The following ABLIM1 variants were observed in gnomAD, a reference collection of about 807,000 sequenced individuals.
ABLIM1 encodes actin-binding LIM protein 1.
A neutral mutation model predicts 107.0 loss-of-function variants in ABLIM1; 40 were observed. That is an observed-to-expected ratio of 0.37 (90% CI 0.29 to 0.49). The LOEUF (loss-of-function observed/expected upper bound fraction) is 0.49. Among genes scored for constraint, ABLIM1 ranks in the 20% least tolerant of loss-of-function variants. The probability of loss-of-function intolerance (pLI) is 0.97; values close to 1 mark genes in which losing one functional copy is unlikely to be tolerated. For missense variants in ABLIM1, 857 were observed against 1,008.5 expected, an observed-to-expected ratio of 0.85 and a Z score of 2.04; for synonymous variants, 357 against 357.3, an observed-to-expected ratio of 1.00 and a Z score of 0.01.
Position 114,644,312 on chromosome 10 carries a change from T to A in ABLIM1, c.244+13645A>T, listed in dbSNP as rs1371499287. Among the ~76,000 whole-genome samples the A allele has an allele frequency of 1.8e-3, 180 of 99,296 alleles. 2 individuals are homozygous for A. The highest frequency in any genetic ancestry group is 4.9e-3 in the African/African-American group (94 of 19,060). 65.1% of individuals were successfully genotyped at this position (99,296 alleles called of 152,430 possible). A position where few individuals can be genotyped will look rare whatever the true frequency, so the allele number is the denominator to read the frequency against. On this transcript the variant is annotated intron_variant, in intron 1 of 22. Coordinates refer to ENST00000533213, the MANE Select transcript of ABLIM1 (RefSeq NM_002313.7). ...AAAAAAAAAAAAAAAAAAAAATATA[T>A]ATATATATATATATATATGTGTATA...
Position 114,630,846 on chromosome 10 carries a change from G to A in ABLIM1, c.244+27111C>T, listed in dbSNP as rs538561510. ...TACTAGACAGCAAAATTAAAGAGTG[G>A]TTATTTACATTATAAAATCATTTGG... On this transcript the variant is annotated intron_variant, in intron 1 of 22. Transcript: ENST00000533213. 1.2e-4 allele frequency among the ~76,000 whole-genome samples: 19 copies of A among 152,148 alleles called. 2 individuals are homozygous for A. In the South Asian group the frequency reaches 3.9e-3, roughly 32 times the overall value.
chr10:114,569,495 T>A (rs2071332596), intron 4 of ABLIM1, among the ~76,000 whole-genome samples: 1 of 152,024 alleles, frequency 6.6e-6, no homozygotes, highest in African/African-American at 2.4e-5. Context: ...AATTTTTGTA[T>A]TTTTAGTAGC....
intron 1 of ABLIM1, among the ~76,000 whole-genome samples, chr10:114,671,128 C>A (rs2080236928): frequency 6.6e-6 from 1 of 152,214 alleles, no homozygotes; most frequent in Non-Finnish European, 1.5e-5. Flanking sequence ...ACTATTCTGA[C>A]TTAATCTCAT....
chr10:114,754,079 T>C (rs1054470175), intron 1 of ABLIM1, among the ~76,000 whole-genome samples: 1 of 152,196 alleles, frequency 6.6e-6, no homozygotes, highest in African/African-American at 2.4e-5. Context: ...CTCAAACTCC[T>C]GACCTCAAGT....
intron 11 of ABLIM1, among the ~76,000 whole-genome samples, chr10:114,467,316 T>A (rs567223792): frequency 1.3e-5 from 2 of 151,882 alleles, no homozygotes; most frequent in Non-Finnish European, 2.9e-5. Context: ...GTTGAAAGAG[T>A]ACAAAGAATA....
In ABLIM1 at chr10:114,675,570, G is replaced by T. The variant is rs147941014; in HGVS notation, c.64+8720C>A. Among the ~76,000 whole-genome samples the T allele has an allele frequency of 7.1e-3, 1,075 of 152,256 alleles. 12 individuals carry two copies. Among genetic ancestry groups the T allele is most frequent in the African/African-American group, 0.024 (991 of 41,538 alleles). On this transcript the variant is annotated intron_variant, in intron 1 of 23. Coordinates refer to the ABLIM1 transcript ENST00000369256. ...TCCTTTATAAATTACCCAGTCTCAG[G>T]TATGTCCTTATAGCAGTGTGAGAAC...
the ABLIM1 span, among the ~76,000 whole-genome samples, chr10:114,783,351 T>A: frequency 1.3e-5 from 2 of 152,088 alleles, no homozygotes; most frequent in African/African-American, 2.4e-5. Context: ...AAAGGTTTTA[T>A]GGAACTAAGT....
At chr10:114,457,040 C>T (rs182030938) in intron 12 of ABLIM1, among the ~76,000 whole-genome samples, 60 of 151,986 alleles carry the variant, frequency 3.9e-4, no homozygotes, top group Admixed American at 1.6e-3. Context: ...TAAAGAGAGA[C>T]CCAATAACAC....
intron 4 of ABLIM1, among the ~76,000 whole-genome samples, chr10:114,558,974 G>A (rs2069205323): frequency 6.7e-6 from 1 of 149,708 alleles, no homozygotes; most frequent in Non-Finnish European, 1.5e-5. Flanking sequence ...TAAAAGGAGG[G>A]GCTATATGTA....
intron 1 of ABLIM1, among the ~76,000 whole-genome samples, chr10:114,740,881 TA>T (rs1223882280): frequency 6.6e-6 from 1 of 151,720 alleles, no homozygotes; most frequent in Admixed American, 6.6e-5. Flanking sequence ...CCATATCTAC[TA>T]AAAATACAAA....
chr10:114,549,078 C>A (rs116313970), intron 4 of ABLIM1, among the ~76,000 whole-genome samples: 6 of 152,272 alleles, frequency 3.9e-5, no homozygotes, highest in Admixed American at 1.3e-4. Context: ...TCCTTTGAAT[C>A]CTCTTTAAAA....
rs556285745 is a variant in ABLIM1, at chr10:114,684,704, C to T, written c.-351G>A. ...TTTCTGGGAAGCCACTATTAGAACA[C>T]GCCAAGAATGTTCCTAGGATTTTCC... is the stretch of plus-strand genomic sequence containing the variant. On this transcript the variant is annotated 5_prime_UTR_variant, in exon 1 of 24. Coordinates refer to the ABLIM1 transcript ENST00000369256. 26 of 1,059,412 alleles carry T rather than the reference C, an allele frequency of 2.5e-5. No homozygotes were observed. In the South Asian group the frequency reaches 4.8e-4, roughly 19 times the overall value. 65.6% of individuals were successfully genotyped at this position (1,059,412 alleles called of 1,614,324 possible).
intron 2 of ABLIM1, among the ~76,000 whole-genome samples, chr10:114,580,575 T>C (rs1371913769): frequency 6.6e-6 from 1 of 152,230 alleles, no homozygotes; most frequent in Non-Finnish European, 1.5e-5. Context: ...CATTAATAAG[T>C]TGAATAAATC....
intron 6 of ABLIM1, chr10:114,526,812 T>C: frequency 1.0e-6 from 1 of 985,474 alleles, no homozygotes; most frequent in Non-Finnish European, 1.2e-6. Context: ...CTGGGTTACA[T>C]ATCAGGCTTC....
chr10:114,517,758 C>G (rs11812535), intron 6 of ABLIM1, among the ~76,000 whole-genome samples: 55,552 of 151,964 alleles, frequency 0.37, 10,455 homozygotes, highest in South Asian at 0.49. Flanking sequence ...TTGTCTGAAA[C>G]CTTCCTCATC....
At chr10:114,621,750 A>G (rs1456261950) in intron 1 of ABLIM1, among the ~76,000 whole-genome samples, 1 of 152,120 alleles carries the variant, frequency 6.6e-6, no homozygotes, top group African/African-American at 2.4e-5. Context: ...CATCCACTAA[A>G]TGTAGGATCT....
exon 1 of ABLIM1, chr10:114,684,802 G>C: frequency 2.0e-5 from 17 of 853,376 alleles, no homozygotes; most frequent in Non-Finnish European, 2.4e-5. Flanking sequence ...ATGAAATAAA[G>C]AAAGAAAAGG....
At chr10:114,451,569 A>G (rs1468543345) in intron 14 of ABLIM1, 55 bp downstream of exon 14, 1 of 1,506,560 alleles carries the variant, frequency 6.6e-7, no homozygotes, top group Non-Finnish European at 9.2e-7. Context: ...GACAGCAAGG[A>G]GAAGTTCAGC....
At chr10:114,730,851 T>C (rs551693944) in intron 1 of ABLIM1, among the ~76,000 whole-genome samples, 7 of 152,210 alleles carry the variant, frequency 4.6e-5, no homozygotes, top group Non-Finnish European at 2.9e-5. Context: ...CAACCACTAG[T>C]CTACTTTTTG....
Sources: allele counts gnomAD v4.1 joint callset (sites outside exome capture counted in the v4.1 genomes callset), GRCh38; gene constraint gnomAD v4.1.1; transcripts MANE v1.5; gene names NCBI Gene and HGNC (gene_info 2026-07-23, HGNC 2026-07-21).